C10orf67: variants seen among roughly 807,000 people sequenced by gnomAD.
The protein encoded by C10orf67 is chromosome 10 open reading frame 67.
A neutral mutation model predicts 35.6 loss-of-function variants in C10orf67; 60 were observed. That is an observed-to-expected ratio of 1.68 (90% CI 1.37 to 2.09). The LOEUF is 2.09. C10orf67 is among the 30% of genes most tolerant of loss of function. The pLI, the probability that C10orf67 is intolerant of heterozygous loss-of-function variation, is 0.00. For missense variants in C10orf67, 474 were observed against 330.2 expected (o/e 1.44, Z -3.38); for synonymous variants, 167 against 115.8 (o/e 1.44, Z -2.84).
Position 23,344,709 on chromosome 10 carries a change from G to C in C10orf67, c.66C>G (p.Cys22Trp), listed in dbSNP as rs754248355. Residue 22 changes from cysteine to tryptophan, a missense_variant, in exon 1 of 16, where the codon TGC (cysteine) becomes TGG (tryptophan). Transcript: ENST00000636213. ...AGGTCCCCCTCAAGGAGGAGGAAAAGCAGTGAACCCATCTAATAACTATGC... is the reference window on the plus strand; with the variant it reads ...AGGTCCCCCTCAAGGAGGAGGAAAACCAGTGAACCCATCTAATAACTATGC... ...VMSIVIRWVHCFSSSLRGTFG... is the reference protein window; with the variant it reads ...VMSIVIRWVHWFSSSLRGTFG... 1 of 1,574,324 alleles carries C rather than the reference G, an allele frequency of 6.4e-7. No individual in the cohort carries two copies. The highest frequency in any genetic ancestry group is 2.3e-5 in the East Asian group (1 of 42,580).
In C10orf67 at chr10:23,332,164, A is replaced by G. The variant is rs548785836; in HGVS notation, c.327+898T>C. Among the ~76,000 whole-genome samples, 9 of 152,358 alleles carry G rather than the reference A, an allele frequency of 5.9e-5. No individual in the cohort carries two copies. In the East Asian group the frequency reaches 1.7e-3, roughly 29 times the overall value. On this transcript the variant is annotated intron_variant, in intron 2 of 15. Transcript: ENST00000636213. ...AGAAATGACCAAAATGTCCATCAAT[A>G]TGGAAAGCTAAATATATGATGCACA...
At chr10:23,311,464 C>A (rs1296432946) in intron 4 of C10orf67, among the ~76,000 whole-genome samples, 1 of 152,170 alleles carries the variant, frequency 6.6e-6, no homozygotes, top group Non-Finnish European at 1.5e-5. Context: ...GTAATCCCAG[C>A]ACTTTGGGAG....
chr10:23,272,447 T>A (rs1843054723), intron 8 of C10orf67, among the ~76,000 whole-genome samples: 1 of 152,240 alleles, frequency 6.6e-6, no homozygotes, highest in African/African-American at 2.4e-5. Flanking sequence ...GAAAAGATTA[T>A]CCTTACTACT....
chr10:23,203,775 A>G lies in C10orf67; in HGVS notation c.*398T>C, dbSNP rs1295893909. ...TGGGGACTAGTTATTGGGTGAGGAG[A>G]CAGCAAAACAGGTTGATGCTTTTGG... On this transcript the variant is annotated 3_prime_UTR_variant, in exon 16 of 16. Transcript: ENST00000636213. 6.4e-6 allele frequency: 1 copy of G among 156,230 alleles called. No individual in the cohort carries two copies. The highest frequency in any genetic ancestry group is 2.4e-5 in the African/African-American group (1 of 41,664). The allele number at this position is 156,230 out of a possible 1,614,324, so 9.7% of individuals were successfully genotyped here.
intron 5 of C10orf67, among the ~76,000 whole-genome samples, chr10:23,299,416 C>T (rs1279493626): frequency 6.6e-6 from 1 of 152,140 alleles, no homozygotes; most frequent in East Asian, 1.9e-4. Flanking sequence ...GTTGCCCAGA[C>T]TTCAGGATTA....
At chr10:23,291,032 T>G (rs1843704363) in intron 6 of C10orf67, 100 bp downstream of exon 6, 2 of 602,742 alleles carry the variant, frequency 3.3e-6, no homozygotes, top group Non-Finnish European at 5.9e-6. Flanking sequence ...CAAATGTAAA[T>G]AACCAAACGA....
chr10:23,214,565 T>C (rs1841385060), intron 15 of C10orf67, among the ~76,000 whole-genome samples: 1 of 152,062 alleles, frequency 6.6e-6, no homozygotes, highest in African/African-American at 2.4e-5. Flanking sequence ...AAAACAGAAA[T>C]ATCTTTTAAA....
intron 1 of C10orf67, chr10:23,343,943 G>A: frequency 2.1e-6 from 1 of 466,984 alleles, no homozygotes; most frequent in Non-Finnish European, 4.4e-6. Context: ...GAGGCCTCGA[G>A]GCCCTCCATG....
At chr10:23,242,845 T>A (rs1305763673) in intron 12 of C10orf67, among the ~76,000 whole-genome samples, 1 of 151,942 alleles carries the variant, frequency 6.6e-6, no homozygotes, top group East Asian at 1.9e-4. Context: ...ATAAAACAGG[T>A]CAAATAGAAA....
At chr10:23,326,972 A>G (rs886255337) in intron 2 of C10orf67, among the ~76,000 whole-genome samples, 6 of 152,130 alleles carry the variant, frequency 3.9e-5, no homozygotes, top group Non-Finnish European at 8.8e-5. Flanking sequence ...AACAACTGAA[A>G]TACTTGATAA....
At chr10:23,275,854 GA>G (rs1843172897) in intron 8 of C10orf67, among the ~76,000 whole-genome samples, 1 of 152,144 alleles carries the variant, frequency 6.6e-6, no homozygotes, top group African/African-American at 2.4e-5. Flanking sequence ...GAGTCACTTT[GA>G]ATGCTAGCTC....
At chr10:23,293,182 G>A (rs1411115664) in intron 5 of C10orf67, among the ~76,000 whole-genome samples, 1 of 152,192 alleles carries the variant, frequency 6.6e-6, no homozygotes, top group Admixed American at 6.5e-5. Context: ...ACAAATGGTA[G>A]CAGCTAATAC....
intron 8 of C10orf67, among the ~76,000 whole-genome samples, chr10:23,275,388 C>T (rs1843158355): frequency 6.6e-6 from 1 of 152,146 alleles, no homozygotes; most frequent in Non-Finnish European, 1.5e-5. Context: ...TTGCAAATCC[C>T]CTGTAAGTCC....
At chr10:23,229,778 TA>T (rs1367528175) in intron 13 of C10orf67, among the ~76,000 whole-genome samples, 1 of 151,900 alleles carries the variant, frequency 6.6e-6, no homozygotes, top group Non-Finnish European at 1.5e-5. Context: ...AGATTACATC[TA>T]AAAAAAGGTA....
intron 7 of C10orf67, among the ~76,000 whole-genome samples, chr10:23,282,794 G>A (rs1173415140): frequency 6.6e-6 from 1 of 152,186 alleles, no homozygotes; most frequent in Non-Finnish European, 1.5e-5. Flanking sequence ...TCGCACCACT[G>A]CACTCCAGCC....
At chr10:23,285,907 TAGAAAG>T (rs1388775641) in intron 7 of C10orf67, among the ~76,000 whole-genome samples, 1 of 152,272 alleles carries the variant, frequency 6.6e-6, no homozygotes, top group Non-Finnish European at 1.5e-5. Flanking sequence ...AGTGCAGATT[TAGAAAG>T]CTGAGGCAGC....
intron 1 of C10orf67, among the ~76,000 whole-genome samples, chr10:23,334,238 T>C (rs550751221): frequency 6.6e-6 from 1 of 152,338 alleles, no homozygotes; most frequent in Non-Finnish European, 1.5e-5. Context: ...GCATTATTCC[T>C]GAAAAATGTG....
intron 8 of C10orf67, among the ~76,000 whole-genome samples, chr10:23,271,390 A>C (rs1386714235): frequency 1.3e-5 from 2 of 152,238 alleles, no homozygotes; most frequent in South Asian, 4.1e-4. Context: ...TTGTGACCCA[A>C]GACTTTGTGT....
intron 13 of C10orf67, among the ~76,000 whole-genome samples, chr10:23,232,356 G>T (rs1841934872): frequency 6.6e-6 from 1 of 152,134 alleles, no homozygotes; most frequent in African/African-American, 2.4e-5. Context: ...CTGAGAAAAG[G>T]CTAGGATAAA....
Sources: allele counts gnomAD v4.1 joint callset (sites outside exome capture counted in the v4.1 genomes callset), GRCh38; gene constraint gnomAD v4.1.1; transcripts MANE v1.5; gene names NCBI Gene and HGNC (gene_info 2026-07-23, HGNC 2026-07-21).